ZNF75D: variants seen among roughly 807,000 people sequenced by gnomAD.
ZNF75D encodes zinc finger protein 75D, also known as zinc finger protein 75.
A neutral mutation model predicts 33.3 loss-of-function variants in ZNF75D; 33 were observed. That is an observed-to-expected ratio of 0.99 (90% CI 0.75 to 1.32). The LOEUF (loss-of-function observed/expected upper bound fraction) is 1.32. Ranked by LOEUF, ZNF75D falls within the 40% of genes most tolerant of loss-of-function variation. The probability of loss-of-function intolerance (pLI) is 0.00; values close to 1 mark genes in which losing one functional copy is unlikely to be tolerated. For missense variants in ZNF75D, 338 were observed against 367.5 expected, an observed-to-expected ratio of 0.92 and a Z score of 0.66; for synonymous variants, 113 against 130.6, an observed-to-expected ratio of 0.87 and a Z score of 0.92.
intron 1 of ZNF75D, among the ~76,000 whole-genome samples, chrX:135,267,022 T>C (rs2083865517): frequency 9.0e-6 from 1 of 111,122 alleles, no homozygotes; most frequent in African/African-American, 3.3e-5. Flanking sequence ...GACCAGTGGG[T>C]CAATGAAAGA....
intron 1 of ZNF75D, among the ~76,000 whole-genome samples, chrX:135,270,144 CA>C (rs1248263968): frequency 9.7e-5 from 10 of 103,426 alleles, no homozygotes; most frequent in Non-Finnish European, 1.4e-4. Flanking sequence ...TTAATGGGTA[CA>C]AAAAAAAATA....
intron 1 of ZNF75D, among the ~76,000 whole-genome samples, chrX:135,336,226 T>C (rs1310900486): frequency 4.5e-5 from 5 of 111,696 alleles, no homozygotes; most frequent in African/African-American, 1.6e-4. Flanking sequence ...GCACCATCTA[T>C]GAAGCAAGGA....
chrX:135,270,191 CA>C (rs2083877256), intron 1 of ZNF75D, among the ~76,000 whole-genome samples: 1 of 107,825 alleles, frequency 9.3e-6, no homozygotes, highest in South Asian at 4.0e-4. Context: ...GATAGCACAA[CA>C]GGGGGATCAT....
intron 1 of ZNF75D, among the ~76,000 whole-genome samples, chrX:135,313,904 T>C (rs2084389013): frequency 1.8e-5 from 2 of 112,005 alleles, no homozygotes; most frequent in African/African-American, 3.2e-5. Flanking sequence ...GTCTTTTAAT[T>C]TTTCTAAATA....
intron 1 of ZNF75D, among the ~76,000 whole-genome samples, chrX:135,312,071 G>A (rs2084364904): frequency 9.0e-6 from 1 of 110,993 alleles, no homozygotes; most frequent in Admixed American, 9.6e-5. Context: ...GCCTTACTTT[G>A]TTATCAAACA....
intron 1 of ZNF75D, among the ~76,000 whole-genome samples, chrX:135,278,501 G>A (rs192686154): frequency 8.1e-5 from 9 of 110,481 alleles, no homozygotes; most frequent in Admixed American, 2.9e-4. Flanking sequence ...CATGATTGCC[G>A]TGGCCAGAAC....
At chrX:135,279,932 T>C (rs1483551569) in intron 1 of ZNF75D, among the ~76,000 whole-genome samples, 3 of 111,649 alleles carry the variant, frequency 2.7e-5, no homozygotes, top group African/African-American at 9.8e-5. Flanking sequence ...ATAAGTGGGA[T>C]GTGGTGTTGA....
rs782820069 is a variant in ZNF75D at position 135,318,109 on chromosome X, T to C, written c.-390-22070A>G. ...TATATTTTTTTTTTTTTTTTGCGTATTGACAATGCAAGGGAATTTAGATCG... is the reference window on the plus strand; with the variant it reads ...TATATTTTTTTTTTTTTTTTGCGTACTGACAATGCAAGGGAATTTAGATCG... On this transcript the variant is annotated intron_variant, in intron 1 of 6. Coordinates refer to ENST00000370766, the MANE Select transcript of ZNF75D (RefSeq NM_007131.5). 6.7e-5 allele frequency among the ~76,000 whole-genome samples: 7 copies of C among 104,781 alleles called. 1 individual carries two copies. In the East Asian group the frequency reaches 2.1e-3, roughly 32 times the overall value. The allele number at this position is 104,781 out of a possible 115,157, so 91.0% of individuals were successfully genotyped here.
intron 1 of ZNF75D, among the ~76,000 whole-genome samples, chrX:135,276,321 A>G (rs1309162754): frequency 6.3e-5 from 7 of 111,798 alleles, no homozygotes; most frequent in African/African-American, 2.3e-4. Flanking sequence ...TTTTTTATAT[A>G]CCACATTTTC....
At chrX:135,310,217 T>C (rs910594067) in intron 1 of ZNF75D, among the ~76,000 whole-genome samples, 2 of 112,207 alleles carry the variant, frequency 1.8e-5, no homozygotes, top group Non-Finnish European at 3.8e-5. Flanking sequence ...AATGCCCTGA[T>C]GGCTTTTTTG....
intron 1 of ZNF75D, among the ~76,000 whole-genome samples, chrX:135,257,902 G>A (rs1556414556): frequency 9.1e-6 from 1 of 109,968 alleles, no homozygotes; most frequent in African/African-American, 3.3e-5. Flanking sequence ...ATGCTGGTTT[G>A]CTGCACCCAT....
intron 2 of ZNF75D, 70 bp from the exon 3 acceptor site, chrX:135,294,328 T>C (rs1477807447): frequency 5.4e-5 from 18 of 336,036 alleles, no homozygotes; most frequent in Non-Finnish European, 8.7e-5. Flanking sequence ...TTGCTATTTA[T>C]TGTTAGAGGA....
intron 1 of ZNF75D, among the ~76,000 whole-genome samples, chrX:135,315,769 A>G (rs2084412633): frequency 9.1e-6 from 1 of 110,173 alleles, no homozygotes; most frequent in Non-Finnish European, 1.9e-5. Context: ...TTTGGTTTCC[A>G]TTAGTGTGGA....
rs2084082994 is a variant in ZNF75D at position 135,293,771 on chromosome X, C to A, written c.370G>T (p.Val124Leu). 8.4e-7 allele frequency: 1 copy of A among 1,192,298 alleles called. No homozygotes were observed. The highest frequency in any genetic ancestry group is 1.8e-5 in the African/African-American group (1 of 56,733). The change falls in exon 3 of 7, where the codon GTG becomes TTG. Residue 124 changes from valine to leucine, a missense_variant. This residue lies in a region of ZNF75D where 254 missense variants were observed against 267.7 expected (regional missense o/e 0.95). Coordinates refer to ENST00000370766, the MANE Select transcript of ZNF75D (RefSeq NM_007131.5). The stretch of plus-strand genomic sequence containing the variant: ...TCAGGCTCCCTCTGCAAGAATTCCA[C>A]CAGGACCAGAGCCTGTTTGACATTC... ...PQNVKQALVL[V>L]EFLQREPDGT...
intron 1 of ZNF75D, among the ~76,000 whole-genome samples, chrX:135,257,320 T>A (rs1031346433): frequency 1.2e-4 from 13 of 110,916 alleles, no homozygotes; most frequent in African/African-American, 4.3e-4. Context: ...CCTGGTAGCA[T>A]TCACTACAAG....
At chrX:135,265,689 C>A (rs1291163801) in intron 1 of ZNF75D, among the ~76,000 whole-genome samples, 2 of 111,799 alleles carry the variant, frequency 1.8e-5, no homozygotes, top group Non-Finnish European at 3.8e-5. Context: ...AAACACCAGG[C>A]CTCTACTACA....
intron 1 of ZNF75D, among the ~76,000 whole-genome samples, chrX:135,312,207 T>C (rs2084366586): frequency 9.0e-6 from 1 of 111,443 alleles, no homozygotes; most frequent in South Asian, 3.8e-4. Flanking sequence ...CTCTATGAGA[T>C]CAACGTTTTT....
intron 1 of ZNF75D, among the ~76,000 whole-genome samples, chrX:135,337,594 C>T (rs1361775258): frequency 8.9e-6 from 1 of 111,862 alleles, no homozygotes; most frequent in African/African-American, 3.3e-5. Context: ...ATTGTACCTT[C>T]TTTTTGCTCA....
chrX:135,307,719 A>C (rs1556426090), intron 1 of ZNF75D, among the ~76,000 whole-genome samples: 1 of 112,123 alleles, frequency 8.9e-6, no homozygotes, highest in African/African-American at 3.2e-5. Flanking sequence ...GGGGTCACAC[A>C]GTTGTGTGAG....
Sources: gnomAD v4.1 joint callset for allele counts (sites outside exome capture counted in the v4.1 genomes callset) on GRCh38, gnomAD v4.1.1 for gene constraint, gnomAD v4.1.1 regional missense constraint, MANE v1.5 for transcripts, NCBI Gene and HGNC (gene_info 2026-07-23, HGNC 2026-07-21) for gene names.